The following EBF3 variants were observed in gnomAD, a reference collection of about 807,000 sequenced individuals.
The protein encoded by EBF3 is EBF transcription factor 3, also known as transcription factor COE3.
In EBF3, 18 loss-of-function variants were observed where a neutral mutation model predicts 77.1. The observed-to-expected ratio is 0.23, with a 90% CI of 0.16 to 0.35. The LOEUF is 0.35. Ranked by LOEUF, EBF3 falls within the 10% of genes least tolerant of loss-of-function variation. The pLI is 1.00. For synonymous variants in EBF3, 350 were observed against 343.5 expected, an observed-to-expected ratio of 1.02 and a Z score of -0.21; for missense variants, 558 against 860.0, an observed-to-expected ratio of 0.65 and a Z score of 4.39.
In EBF3 at chr10:129,836,238, G is replaced by T. The variant is rs1218066928; in HGVS notation, c.*1705C>A. On this transcript the variant is annotated 3_prime_UTR_variant, in exon 17 of 17. Transcript: ENST00000440978. ...TTCTTTAAAGAAGTTCACTTTTAAG[G>T]CATCAGAAAAGTTAATGTGGCAAAC... The T allele has an allele frequency of 6.6e-6, 1 of 152,544 alleles. No homozygotes were observed. The highest frequency in any genetic ancestry group is 1.5e-5 in the Non-Finnish European group (1 of 68,018). 9.4% of individuals were successfully genotyped at this position (152,544 alleles called of 1,614,324 possible).
chr10:129,886,986 C>T (rs1853631684), intron 6 of EBF3, among the ~76,000 whole-genome samples: 1 of 145,474 alleles, frequency 6.9e-6, no homozygotes, highest in Admixed American at 7.3e-5. Context: ...CCGATCAGCG[C>T]CTGGCTGCAA....
At chr10:129,852,547 CTTCT>C (rs1188259993) in intron 10 of EBF3, among the ~76,000 whole-genome samples, 1 of 152,176 alleles carries the variant, frequency 6.6e-6, no homozygotes, top group Admixed American at 6.5e-5. Context: ...ATGGCTTAAC[CTTCT>C]TTGTCAGCCA....
intron 10 of EBF3, among the ~76,000 whole-genome samples, chr10:129,852,996 C>T (rs1333939870): frequency 6.6e-6 from 1 of 152,148 alleles, no homozygotes; most frequent in Non-Finnish European, 1.5e-5. Flanking sequence ...TCCCTGCCTG[C>T]AAACAGGACT....
intron 6 of EBF3, among the ~76,000 whole-genome samples, chr10:129,900,716 AGC>A (rs1276310649): frequency 6.6e-6 from 1 of 152,256 alleles, no homozygotes; most frequent in African/African-American, 2.4e-5. Flanking sequence ...TGCCTGTGAG[AGC>A]ACTCATGAGG....
At chr10:129,904,095 T>C (rs1315133415) in intron 6 of EBF3, among the ~76,000 whole-genome samples, 3 of 152,204 alleles carry the variant, frequency 2.0e-5, no homozygotes, top group Non-Finnish European at 4.4e-5. Context: ...AGTTTCCTTT[T>C]TTCCTACTTT....
chr10:129,955,899 T>C (rs923079950), intron 6 of EBF3, among the ~76,000 whole-genome samples: 2 of 152,198 alleles, frequency 1.3e-5, no homozygotes, highest in African/African-American at 4.8e-5. Flanking sequence ...TTCTAGCCAA[T>C]CAAGAAAATA....
Position 129,963,200 on chromosome 10 carries a change from A to G in EBF3, c.291+167T>C, listed in dbSNP as rs1184401084. ...CCCGAGTAAGTCCGAGGGCGCAGAG[A>G]AGTTGCCCAGCCCTCGGCGGTCCCG... On this transcript the variant is annotated intron_variant, in intron 2 of 16. Transcript: ENST00000440978. The surrounding 1 kb of genome is among the most constrained non-coding windows in gnomAD (Gnocchi z 7.1). 7 of 1,178,410 alleles carry G rather than the reference A, an allele frequency of 5.9e-6. No homozygotes were observed. Among genetic ancestry groups the G allele is most frequent in the Non-Finnish European group, 8.1e-6 (7 of 863,508 alleles). The allele number at this position is 1,178,410 out of a possible 1,614,324, so 73.0% of individuals were successfully genotyped here.
intron 6 of EBF3, among the ~76,000 whole-genome samples, chr10:129,932,088 G>A (rs1051062253): frequency 2.0e-5 from 3 of 152,342 alleles, no homozygotes. Context: ...AGAGGTGAGG[G>A]CAATGAAGGA....
chr10:129,835,369 TAAAAC>T lies in EBF3; in HGVS notation c.*2569_*2573del, dbSNP rs1849560740. 1 of 152,478 alleles carries T rather than the reference TAAAAC, an allele frequency of 6.6e-6. No homozygotes were observed. The highest frequency in any genetic ancestry group is 2.4e-5 in the African/African-American group (1 of 41,444). The allele number at this position is 152,478 out of a possible 1,614,324, so 9.4% of individuals were successfully genotyped here. Reference sequence around the variant, plus strand: ...TTAAATATCTGAAAAAATGTACAGATAAAACAATCTTATTGTAGGGTCTTTAACAG... The same window carrying T: ...TTAAATATCTGAAAAAATGTACAGATAATCTTATTGTAGGGTCTTTAACAG... On this transcript the variant is annotated 3_prime_UTR_variant, in exon 17 of 17. Transcript: ENST00000440978.
intron 6 of EBF3, among the ~76,000 whole-genome samples, chr10:129,922,181 G>A (rs1354793364): frequency 2.0e-5 from 3 of 152,204 alleles, no homozygotes; most frequent in African/African-American, 7.2e-5. Flanking sequence ...CAAGAGCAGA[G>A]TCCTCTCTCT....
intron 6 of EBF3, among the ~76,000 whole-genome samples, chr10:129,899,104 C>T (rs1388950528): frequency 6.6e-6 from 1 of 152,224 alleles, no homozygotes; most frequent in Non-Finnish European, 1.5e-5. Context: ...ATCGGAGCTG[C>T]TTATCAGCAG....
chr10:129,941,899 T>C (rs909816098), intron 6 of EBF3, among the ~76,000 whole-genome samples: 1 of 152,166 alleles, frequency 6.6e-6, no homozygotes, highest in Admixed American at 6.5e-5. Flanking sequence ...AGGTGCTGGG[T>C]GAGATCCCAA....
intron 10 of EBF3, among the ~76,000 whole-genome samples, chr10:129,850,779 C>T (rs1040891851): frequency 2.0e-5 from 3 of 152,222 alleles, no homozygotes; most frequent in Admixed American, 1.3e-4. Context: ...AGAGCACCTG[C>T]CTTCTACAGA....
chr10:129,931,509 G>A (rs1041450892), intron 6 of EBF3, among the ~76,000 whole-genome samples: 1 of 152,196 alleles, frequency 6.6e-6, no homozygotes, highest in African/African-American at 2.4e-5. Flanking sequence ...TGAGAACTGG[G>A]CCCTTAAATG....
chr10:129,943,000 T>C (rs1564912305), intron 6 of EBF3, among the ~76,000 whole-genome samples: 1 of 152,320 alleles, frequency 6.6e-6, no homozygotes, highest in East Asian at 1.9e-4. Context: ...TACTGCTTTC[T>C]AATGGGTGTT....
At chr10:129,942,776 A>T (rs1233991660) in intron 6 of EBF3, among the ~76,000 whole-genome samples, 1 of 152,154 alleles carries the variant, frequency 6.6e-6, no homozygotes, top group Non-Finnish European at 1.5e-5. Context: ...GAAATCAATA[A>T]AAAATTGTAT....
intron 11 of EBF3, chr10:129,845,527 T>C (rs1344262187): frequency 4.6e-5 from 7 of 152,242 alleles, no homozygotes. Flanking sequence ...TAGAATGGTA[T>C]ATATCATCAC....
At chr10:129,887,663 T>C (rs973783071) in intron 6 of EBF3, among the ~76,000 whole-genome samples, 1 of 152,140 alleles carries the variant, frequency 6.6e-6, no homozygotes, top group African/African-American at 2.4e-5. Context: ...AAGGTATAAA[T>C]AATTCAGGGT....
chr10:129,931,049 T>TC (rs1564900758), intron 6 of EBF3, among the ~76,000 whole-genome samples: 1 of 146,280 alleles, frequency 6.8e-6, no homozygotes, highest in African/African-American at 2.6e-5. Context: ...TATTAACAAA[T>TC]CCCCCCATAT....
Sources: gnomAD v4.1 joint callset for allele counts (sites outside exome capture counted in the v4.1 genomes callset) on GRCh38, gnomAD v4.1.1 for gene constraint, Gnocchi (gnomAD v3.1) non-coding constraint, MANE v1.5 for transcripts, NCBI Gene and HGNC (gene_info 2026-07-23, HGNC 2026-07-21) for gene names.